The following SLC39A11 variants were observed in gnomAD, a reference collection of about 807,000 sequenced individuals.
SLC39A11 encodes solute carrier family 39 member 11, also known as zinc transporter ZIP11.
Under a neutral mutation model 36.1 loss-of-function variants are expected in SLC39A11, and 33 were observed. That is an observed-to-expected ratio of 0.91 (90% CI 0.69 to 1.22). The LOEUF (loss-of-function observed/expected upper bound fraction) is 1.22. SLC39A11 is among the 50% of genes most tolerant of loss of function. SLC39A11 has a pLI of 0.00. For missense variants in SLC39A11, 432 were observed against 430.3 expected (o/e 1.00, Z -0.03); for synonymous variants, 166 against 170.3 (o/e 0.97, Z 0.20).
At chr17:72,945,996 A>G (rs995412693) in intron 5 of SLC39A11, among the ~76,000 whole-genome samples, 5 of 152,228 alleles carry the variant, frequency 3.3e-5, no homozygotes, top group African/African-American at 9.6e-5. Context: ...GAGAAGACTC[A>G]CAATCAGGAT....
intron 6 of SLC39A11, among the ~76,000 whole-genome samples, chr17:72,779,291 A>G (rs939616521): frequency 6.6e-6 from 1 of 152,050 alleles, no homozygotes; most frequent in Non-Finnish European, 1.5e-5. Context: ...TAAAAATACA[A>G]AAACGAGCTG....
chr17:73,060,573 T>G (rs79154767), intron 3 of SLC39A11, among the ~76,000 whole-genome samples: 4,698 of 152,280 alleles, frequency 0.031, 203 homozygotes, highest in African/African-American at 0.1. Context: ...TTAGTCTTTC[T>G]GACCAAGAAT....
chr17:72,939,457 C>CGA (rs2084962638), intron 5 of SLC39A11, among the ~76,000 whole-genome samples: 1 of 11,024 alleles, frequency 9.1e-5, no homozygotes, highest in South Asian at 0.011. Context: ...GGTTCCGTCT[C>CGA]GAAAAAAAAA....
At chr17:72,670,619 C>T (rs552206839) in intron 7 of SLC39A11, among the ~76,000 whole-genome samples, 56 of 152,290 alleles carry the variant, frequency 3.7e-4, no homozygotes, top group African/African-American at 1.1e-3. Flanking sequence ...AGTCTTTATT[C>T]GATGGATCAT....
intron 7 of SLC39A11, among the ~76,000 whole-genome samples, chr17:72,712,425 T>C (rs988227663): frequency 1.3e-5 from 2 of 152,190 alleles, no homozygotes; most frequent in African/African-American, 4.8e-5. Context: ...AGGTCAACCC[T>C]CCCTTTATTT....
rs760829078 is a variant in SLC39A11, at chr17:73,031,615, C to G, written c.247G>C (p.Val83Leu). The G allele has an allele frequency of 1.8e-5, 29 of 1,614,184 alleles. No homozygotes were observed. The highest frequency in any genetic ancestry group is 2.3e-5 in the Non-Finnish European group (27 of 1,180,042). Residue 83 changes from valine (V) to leucine (L), a missense_variant, in exon 4 of 10, where the codon GTT (valine) becomes CTT (leucine). Transcript: ENST00000255559. ...AAAGCCGCTCCAAGGGTGAAGCCAA[C>G]AGCCACAGGGAAGAAGGCAAAGGCA... is the stretch of plus-strand genomic sequence containing the variant. ...FGAFAFFPVA[V>L]GFTLGAAFVY... is the part of the protein sequence containing the mutation.
At chr17:72,999,164 C>A (rs1346678760) in intron 4 of SLC39A11, among the ~76,000 whole-genome samples, 1 of 152,120 alleles carries the variant, frequency 6.6e-6, no homozygotes, top group Non-Finnish European at 1.5e-5. Context: ...AAAATACATC[C>A]CGTTAGAAAA....
At chr17:72,969,125 A>G (rs2087236152) in intron 4 of SLC39A11, among the ~76,000 whole-genome samples, 1 of 152,194 alleles carries the variant, frequency 6.6e-6, no homozygotes. Flanking sequence ...CTCAGGGAAC[A>G]TATTGCAGGA....
chr17:73,044,297 T>C (rs1474713761), intron 3 of SLC39A11, among the ~76,000 whole-genome samples: 1 of 152,178 alleles, frequency 6.6e-6, no homozygotes, highest in East Asian at 1.9e-4. Flanking sequence ...ATAACCCAAA[T>C]GTCCATCAAC....
intron 2 of SLC39A11, among the ~76,000 whole-genome samples, chr17:73,085,758 T>C (rs982632925): frequency 2.6e-5 from 4 of 151,272 alleles, no homozygotes; most frequent in African/African-American, 9.7e-5. Flanking sequence ...CACTCCTGAG[T>C]AATCCCATGA....
chr17:72,815,099 A>C (rs2077541906), intron 6 of SLC39A11, among the ~76,000 whole-genome samples: 1 of 152,334 alleles, frequency 6.6e-6, no homozygotes, highest in Non-Finnish European at 1.5e-5. Context: ...GAAGGAAAGA[A>C]TGCTCTACTC....
intron 4 of SLC39A11, among the ~76,000 whole-genome samples, chr17:72,973,197 T>C (rs1435176350): frequency 6.6e-6 from 1 of 151,494 alleles, no homozygotes; most frequent in Admixed American, 6.6e-5. Context: ...TAAGATTAGG[T>C]TTGATTAGAA....
intron 6 of SLC39A11, among the ~76,000 whole-genome samples, chr17:72,847,218 C>T (rs1223208932): frequency 6.6e-6 from 1 of 152,084 alleles, no homozygotes; most frequent in East Asian, 1.9e-4. Context: ...GCCTGGCCAA[C>T]ATGGTGAAAC....
At chr17:72,849,897 T>C in intron 5 of SLC39A11, 93 bp from the exon 6 acceptor site, 1 of 1,251,484 alleles carries the variant, frequency 8.0e-7, no homozygotes, top group Non-Finnish European at 1.1e-6. Context: ...AGGAAGAAGC[T>C]TCTTTTTCTT....
At chr17:72,824,043 AC>A (rs1227625575) in intron 6 of SLC39A11, among the ~76,000 whole-genome samples, 1 of 151,310 alleles carries the variant, frequency 6.6e-6, no homozygotes, top group Non-Finnish European at 1.5e-5. Context: ...GCACAAAAAA[AC>A]ATAAAATTCC....
At chr17:73,089,086 CAGA>C (rs1033837830) in intron 1 of SLC39A11, among the ~76,000 whole-genome samples, 4 of 152,120 alleles carry the variant, frequency 2.6e-5, no homozygotes, top group Admixed American at 6.6e-5. Context: ...TGGTTTATTC[CAGA>C]AGAAGGGGGC....
intron 3 of SLC39A11, among the ~76,000 whole-genome samples, chr17:73,035,616 C>G (rs562856341): frequency 1.3e-5 from 2 of 151,904 alleles, no homozygotes; most frequent in African/African-American, 4.8e-5. Flanking sequence ...ACCACAGGGT[C>G]CTTACGAAGG....
chr17:73,090,197 C>A (rs1316361726), intron 1 of SLC39A11, among the ~76,000 whole-genome samples: 1 of 152,244 alleles, frequency 6.6e-6, no homozygotes, highest in Admixed American at 6.5e-5. Flanking sequence ...AGAGTGTGGA[C>A]GCAGCCCTTA....
intron 6 of SLC39A11, among the ~76,000 whole-genome samples, chr17:72,765,557 A>G (rs1436519330): frequency 6.6e-6 from 1 of 152,190 alleles, no homozygotes; most frequent in East Asian, 1.9e-4. Context: ...CCATTAGTTC[A>G]TCTATGGCTA....
Sources: allele counts gnomAD v4.1 joint callset (sites outside exome capture counted in the v4.1 genomes callset), GRCh38; gene constraint gnomAD v4.1.1; transcripts MANE v1.5; gene names NCBI Gene and HGNC (gene_info 2026-07-23, HGNC 2026-07-21).